The following WTIP variants were observed in gnomAD, a reference collection of about 807,000 sequenced individuals.
WTIP encodes the protein WT1 interacting protein.
Under a neutral mutation model 41.7 loss-of-function variants are expected in WTIP, and 23 were observed. The ratio of observed to expected loss-of-function variants is 0.55; its 90% confidence interval spans 0.40 to 0.78. The LOEUF (loss-of-function observed/expected upper bound fraction) is 0.78. Ranked by LOEUF, WTIP falls within the 30% of genes least tolerant of loss-of-function variation. The pLI, the probability that WTIP is intolerant of heterozygous loss-of-function variation, is 0.00. For missense variants in WTIP, 619 were observed against 610.5 expected (o/e 1.01, Z -0.15); for synonymous variants, 314 against 269.9 (o/e 1.16, Z -1.60).
rs750666715 is a variant in WTIP, at chr19:34,500,128, G to A, written c.1153-1G>A. ...GGGCTGGGGGCTGTGTTCTTCCCTA[G>A]GACTGCGGGCTGCAGCTGAGCGGGG... On this transcript the variant is annotated splice_acceptor_variant, in intron 7 of 7. Transcript: ENST00000590071. LOFTEE classifies it high-confidence loss of function. The A allele has an allele frequency of 1.3e-6, 2 of 1,599,494 alleles. No individual in the cohort carries two copies. The highest frequency in any genetic ancestry group is 1.7e-5 in the Admixed American group (1 of 59,954).
At chr19:34,499,645 C>T (rs1243273825) in intron 7 of WTIP, among the ~76,000 whole-genome samples, 1 of 152,166 alleles carries the variant, frequency 6.6e-6, no homozygotes, top group African/African-American at 2.4e-5. Context: ...AGAGGCAGCT[C>T]CAGTCTCCAG....
rs972010698 is a variant in WTIP, at chr19:34,501,437, C to T, written c.*1168C>T. Reference sequence around the variant, plus strand: ...CTCCGTGCTCCCCGGGACACACTGACGGGAATGTGGGGTCTGGACATGGGA... The same window carrying T: ...CTCCGTGCTCCCCGGGACACACTGATGGGAATGTGGGGTCTGGACATGGGA... On this transcript the variant is annotated 3_prime_UTR_variant, in exon 8 of 8. Coordinates refer to ENST00000590071, the MANE Select transcript of WTIP (RefSeq NM_001080436.2). The T allele has an allele frequency of 1.6e-4, 24 of 152,222 alleles. No individual in the cohort carries two copies. The highest frequency in any genetic ancestry group is 5.3e-4 in the African/African-American group (22 of 41,440). The allele number at this position is 152,222 out of a possible 1,614,324, so 9.4% of individuals were successfully genotyped here.
At chr19:34,490,618 T>C in intron 2 of WTIP, 141 bp downstream of exon 2, 1 of 921,262 alleles carries the variant, frequency 1.1e-6, no homozygotes, top group South Asian at 1.6e-5. Flanking sequence ...GGACTCTGTC[T>C]GGGGAGGAGG....
chr19:34,488,900 T>TAA (rs34016783), intron 1 of WTIP, among the ~76,000 whole-genome samples: 198 of 124,562 alleles, frequency 1.6e-3, no homozygotes, highest in South Asian at 2.6e-3. Context: ...GAGACTCTCC[T>TAA]AAAAAAAAAA....
intron 7 of WTIP, among the ~76,000 whole-genome samples, chr19:34,498,876 G>T (rs1228828427): frequency 6.6e-6 from 1 of 150,440 alleles, no homozygotes; most frequent in African/African-American, 2.5e-5. Context: ...CTCCAGTCTG[G>T]GCGAGACTCT....
chr19:34,493,069 G>A lies in WTIP; in HGVS notation c.802G>A (p.Val268Met), dbSNP rs1455405621. The A allele has an allele frequency of 5.6e-6, 9 of 1,613,816 alleles. No homozygotes were observed. The highest frequency in any genetic ancestry group is 4.0e-5 in the African/African-American group (3 of 74,922). The change falls in exon 3 of 8, where the codon GTG becomes ATG. Residue 268 changes from valine to methionine, a missense_variant. Transcript: ENST00000590071. The surrounding 1 kb of genome is among the most constrained non-coding windows in gnomAD (Gnocchi z 4.1). ...RRLRGKAFYN[V>M]GEKVYCQEDF... ...ACTCCGTGGGAAGGCGTTCTACAAC[G>A]TGGGTGAGAAAGTGTACTGCCAGGA...
At position 34,503,718 on chromosome 19, in the gene WTIP, C is replaced by G. The variant is rs183972030; in HGVS notation, c.*3449C>G. On this transcript the variant is annotated 3_prime_UTR_variant, in exon 8 of 8. Coordinates refer to ENST00000590071, the MANE Select transcript of WTIP (RefSeq NM_001080436.2). ...CAGCTTGGGCCCGCCTGGTGGCTCA[C>G]GCTACTCTCCACCGTGCCTGGATTA... 6.6e-6 allele frequency: 1 copy of G among 152,602 alleles called. No individual in the cohort carries two copies. Among genetic ancestry groups the G allele is most frequent in the African/African-American group, 2.4e-5 (1 of 41,426 alleles). The allele number at this position is 152,602 out of a possible 1,614,324, so 9.5% of individuals were successfully genotyped here.
At position 34,502,787 on chromosome 19, in the gene WTIP, C is replaced by T. The variant is rs928846854; in HGVS notation, c.*2518C>T. On this transcript the variant is annotated 3_prime_UTR_variant, in exon 8 of 8. Transcript: ENST00000590071. ...GGCCAGGTTGGTGTCAAACTCCTGACCTCAAGCGAGCCCACCTTGGCCTCC... is the reference window on the plus strand; with the variant it reads ...GGCCAGGTTGGTGTCAAACTCCTGATCTCAAGCGAGCCCACCTTGGCCTCC... 6.6e-6 allele frequency: 1 copy of T among 152,224 alleles called. No individual in the cohort carries two copies. Among genetic ancestry groups the T allele is most frequent in the African/African-American group, 2.4e-5 (1 of 41,410 alleles). 9.4% of individuals were successfully genotyped at this position (152,224 alleles called of 1,614,324 possible). A position where few individuals can be genotyped will look rare whatever the true frequency, so the allele number is the denominator to read the frequency against.
At chr19:34,483,273 C>T (rs1022875856) in intron 1 of WTIP, among the ~76,000 whole-genome samples, 7 of 151,328 alleles carry the variant, frequency 4.6e-5, no homozygotes, top group African/African-American at 1.7e-4. Flanking sequence ...ATCCGCCCTC[C>T]TCGGCCTCCC....
In WTIP at chr19:34,482,278, G is replaced by A. The variant is rs1249264354; in HGVS notation, c.304G>A (p.Gly102Ser). The change falls in exon 1 of 8, where the codon GGC (glycine) becomes AGC (serine). Residue 102 changes from glycine (G) to serine (S), a missense_variant. This residue lies in a region of WTIP where 363 missense variants were observed against 309.0 expected (regional missense o/e 1.17). Transcript: ENST00000590071. ...SLAGSDGGGGGGSARSSGISL... is the reference protein window; with the variant it reads ...SLAGSDGGGGSGSARSSGISL... ...GGCGGGGTCCGACGGCGGCGGCGGT[G>A]GCGGCAGCGCCCGATCCAGCGGCAT... 2 of 1,316,556 alleles carry A rather than the reference G, an allele frequency of 1.5e-6. No individual in the cohort carries two copies. Among genetic ancestry groups the A allele is most frequent in the Non-Finnish European group, 1.9e-6 (2 of 1,025,892 alleles). The allele number at this position is 1,316,556 out of a possible 1,614,324, so 81.6% of individuals were successfully genotyped here.
At position 34,500,740 on chromosome 19, in the gene WTIP, T is replaced by A. The variant is rs373389108; in HGVS notation, c.*471T>A. 10 of 155,640 alleles carry A rather than the reference T, an allele frequency of 6.4e-5. No individual in the cohort carries two copies. The East Asian group carries it at 1.8e-3, about 28-fold the overall frequency. 9.6% of individuals were successfully genotyped at this position (155,640 alleles called of 1,614,324 possible). On this transcript the variant is annotated 3_prime_UTR_variant, in exon 8 of 8. Transcript: ENST00000590071. ...GCGGGGACATGGGTGTTCCTGCATC[T>A]CCTAGCGCAGTTCCTGCTGGTGGGT...
intron 1 of WTIP, among the ~76,000 whole-genome samples, chr19:34,482,952 T>C (rs2145589034): frequency 6.6e-6 from 1 of 151,746 alleles, no homozygotes; most frequent in Non-Finnish European, 1.5e-5. Flanking sequence ...ATGGGCACAC[T>C]GAGCCATTTT....
At position 34,510,886 on chromosome 19, in the gene WTIP, C is replaced by T. The variant is rs1280999524; in HGVS notation, c.*10617C>T. ...CTCCAGTTCCCAACAAGTTCCTCAT[C>T]TCCATCTGAGACCACATCAGCCTGG... is the stretch of plus-strand genomic sequence containing the variant. On this transcript the variant is annotated 3_prime_UTR_variant, in exon 8 of 8. Transcript: ENST00000590071. 1 of 152,272 alleles carries T rather than the reference C, an allele frequency of 6.6e-6. No homozygotes were observed. Among genetic ancestry groups the T allele is most frequent in the Non-Finnish European group, 1.5e-5 (1 of 68,072 alleles). The allele number at this position is 152,272 out of a possible 1,614,324, so 9.4% of individuals were successfully genotyped here.
rs1451452565 is a variant in WTIP at position 34,488,818 on chromosome 19, G to C, written c.668-1558G>C. Among the ~76,000 whole-genome samples, 5 of 150,744 alleles carry C rather than the reference G, an allele frequency of 3.3e-5. No homozygotes were observed. The East Asian group carries it at 9.9e-4, about 30-fold the overall frequency. ...CTTGGGAGGCCGAGGTGGGAGGATT[G>C]CTTGAGCCCAGGATGTCAAGGCTGC... On this transcript the variant is annotated intron_variant, in intron 1 of 7. Transcript: ENST00000590071.
At chr19:34,486,122 C>CCT (rs3068689) in intron 1 of WTIP, among the ~76,000 whole-genome samples, 98,858 of 151,834 alleles carry the variant, frequency 0.65, 35,104 homozygotes, top group East Asian at 0.8. Context: ...AGGGCCACAC[C>CCT]GTTTTCCCTT....
Position 34,494,591 on chromosome 19 carries a change from T to C in WTIP, c.1037T>C (p.Phe346Ser). 1 of 1,613,662 alleles carries C rather than the reference T, an allele frequency of 6.2e-7. No individual in the cohort carries two copies. The highest frequency in any genetic ancestry group is 8.5e-7 in the Non-Finnish European group (1 of 1,179,788). Reference protein sequence around the residue: ...IYCVRDYHTVFAPKCASCARP... With the variant: ...IYCVRDYHTVSAPKCASCARP... ...GGTTTCCTTTATTTCTCTAGGGTTT[T>C]TGCACCAAAATGCGCCTCCTGTGCC... is the stretch of plus-strand genomic sequence containing the variant. The change falls in exon 6 of 8, where the codon TTT becomes TCT. Residue 346 changes from phenylalanine (F) to serine (S), a missense_variant. Phe to Ser is a radical substitution (Grantham distance 155). Transcript: ENST00000590071.
Position 34,482,426 on chromosome 19 carries a change from G to C in WTIP, c.452G>C (p.Gly151Ala). ...RSSVSSLGSR[G>A]SAGAYADFLP... is the part of the protein sequence containing the mutation. Reference sequence around the variant, plus strand: ...AGCGTTTCCAGCCTCGGCTCCCGGGGCTCGGCCGGCGCCTACGCTGACTTC... The same window carrying C: ...AGCGTTTCCAGCCTCGGCTCCCGGGCCTCGGCCGGCGCCTACGCTGACTTC... Residue 151 changes from glycine (G) to alanine (A), a missense_variant, in exon 1 of 8, where the codon GGC (glycine) becomes GCC (alanine). Physicochemically the swap from Gly to Ala is moderately conservative, Grantham distance 60. Coordinates refer to ENST00000590071, the MANE Select transcript of WTIP (RefSeq NM_001080436.2). 3.7e-6 allele frequency: 5 copies of C among 1,345,834 alleles called. No homozygotes were observed. Among genetic ancestry groups the C allele is most frequent in the Non-Finnish European group, 3.8e-6 (4 of 1,047,654 alleles). 83.4% of individuals were successfully genotyped at this position (1,345,834 alleles called of 1,614,324 possible).
intron 6 of WTIP, 50 bp downstream of exon 6, chr19:34,494,687 C>T (rs1449261757): frequency 1.3e-6 from 2 of 1,592,994 alleles, no homozygotes; most frequent in Non-Finnish European, 1.7e-6. Flanking sequence ...CAGCCGGCTG[C>T]TGTCCTGTCT....
At chr19:34,494,750 T>TCA in intron 6 of WTIP, 113 bp downstream of exon 6, 4 of 1,074,802 alleles carry the variant, frequency 3.7e-6, no homozygotes, top group Non-Finnish European at 5.4e-6. Context: ...GAGCAGGTGC[T>TCA]TCTCCGCAGA....
Sources: allele counts gnomAD v4.1 joint callset (sites outside exome capture counted in the v4.1 genomes callset), GRCh38; gene constraint gnomAD v4.1.1; regional missense constraint gnomAD v4.1.1; non-coding constraint Gnocchi (gnomAD v3.1); transcripts MANE v1.5; gene names NCBI Gene and HGNC (gene_info 2026-07-23, HGNC 2026-07-21).